Variants in KCNIP4 observed in about 807,000 individuals in gnomAD.
KCNIP4 encodes potassium voltage-gated channel interacting protein 4, also known as Kv channel-interacting protein 4.
In KCNIP4, 12 loss-of-function variants were observed where a neutral mutation model predicts 34.0. The observed-to-expected ratio is 0.35, with a 90% CI of 0.23 to 0.57. The LOEUF (loss-of-function observed/expected upper bound fraction) is 0.57, where lower values mean the gene tolerates loss of function less well. KCNIP4 is among the 20% of genes least tolerant of loss of function. KCNIP4 has a pLI of 0.83. For synonymous variants in KCNIP4, 124 were observed against 102.2 expected, an observed-to-expected ratio of 1.21 and a Z score of -1.29; for missense variants, 238 against 311.7, an observed-to-expected ratio of 0.76 and a Z score of 1.78.
chr4:21,229,434 T>C (rs967991665), intron 1 of KCNIP4, among the ~76,000 whole-genome samples: 2 of 152,234 alleles, frequency 1.3e-5, no homozygotes, highest in African/African-American at 4.8e-5. Flanking sequence ...ATTCATGCAT[T>C]ACTTACTCTC....
intron 1 of KCNIP4, among the ~76,000 whole-genome samples, chr4:21,922,991 A>G (rs945360754): frequency 1.3e-5 from 2 of 152,204 alleles, no homozygotes; most frequent in African/African-American, 4.8e-5. Flanking sequence ...ATGTGATTCA[A>G]TTACACACAA....
At chr4:21,488,019 C>G (rs962157537) in intron 1 of KCNIP4, among the ~76,000 whole-genome samples, 6 of 152,108 alleles carry the variant, frequency 3.9e-5, no homozygotes, top group South Asian at 2.1e-4. Flanking sequence ...AATCTGTGCA[C>G]TAGATATGTT....
chr4:21,470,803 G>A (rs1052420439), intron 1 of KCNIP4, among the ~76,000 whole-genome samples: 1 of 148,574 alleles, frequency 6.7e-6, no homozygotes, highest in Non-Finnish European at 1.5e-5. Flanking sequence ...CAATTCAAGG[G>A]CCAGCTGTTG....
chr4:21,947,053 C>T (rs1477108776), intron 1 of KCNIP4, among the ~76,000 whole-genome samples: 1 of 152,182 alleles, frequency 6.6e-6, no homozygotes, highest in Non-Finnish European at 1.5e-5. Flanking sequence ...CATCCAGATC[C>T]TGAGACGACA....
intron 1 of KCNIP4, among the ~76,000 whole-genome samples, chr4:21,773,496 G>A (rs1718944004): frequency 6.6e-6 from 1 of 152,110 alleles, no homozygotes; most frequent in Admixed American, 6.5e-5. Flanking sequence ...TCTTTGATCT[G>A]TCTAATGCTG....
chr4:21,768,462 G>T (rs570192262), intron 1 of KCNIP4, among the ~76,000 whole-genome samples: 6 of 152,138 alleles, frequency 3.9e-5, no homozygotes, highest in African/African-American at 1.4e-4. Flanking sequence ...TTACAATTCT[G>T]CATATCAAGG....
chr4:21,743,048 A>G (rs1291696010), intron 1 of KCNIP4, among the ~76,000 whole-genome samples: 1 of 152,212 alleles, frequency 6.6e-6, no homozygotes, highest in African/African-American at 2.4e-5. Context: ...GGATCTGTAG[A>G]GATATAATCA....
chr4:21,061,086 G>A (rs561774974), intron 1 of KCNIP4, among the ~76,000 whole-genome samples: 182 of 152,198 alleles, frequency 1.2e-3, no homozygotes, highest in Non-Finnish European at 2.0e-3. Flanking sequence ...AAGAATGGTA[G>A]CACTTGTGGC....
chr4:21,487,575 C>G (rs142703833), intron 1 of KCNIP4, among the ~76,000 whole-genome samples: 1 of 152,100 alleles, frequency 6.6e-6, no homozygotes, highest in Non-Finnish European at 1.5e-5. Flanking sequence ...GAATGGGGAG[C>G]AATGTTCCAT....
At chr4:21,786,582 T>TC (rs1719929611) in intron 1 of KCNIP4, among the ~76,000 whole-genome samples, 1 of 151,600 alleles carries the variant, frequency 6.6e-6, no homozygotes, top group Non-Finnish European at 1.5e-5. Flanking sequence ...CTTTTTTTTT[T>TC]TTTGAGATGG....
chr4:21,384,954 G>C (rs1457212598), intron 1 of KCNIP4, among the ~76,000 whole-genome samples: 1 of 152,146 alleles, frequency 6.6e-6, no homozygotes, highest in Non-Finnish European at 1.5e-5. Flanking sequence ...GTCATTAAGA[G>C]GGGCGCTTTG....
chr4:21,732,390 T>C (rs1211725675), intron 1 of KCNIP4, among the ~76,000 whole-genome samples: 2 of 152,164 alleles, frequency 1.3e-5, no homozygotes, highest in African/African-American at 2.4e-5. Flanking sequence ...AATTACTAAG[T>C]TCAATTCCCG....
chr4:21,705,847 A>C (rs546859707), intron 1 of KCNIP4, among the ~76,000 whole-genome samples: 2 of 152,236 alleles, frequency 1.3e-5, no homozygotes, highest in Admixed American at 1.3e-4. Context: ...AACCTTCTCA[A>C]AATCAGCCCT....
At position 21,075,787 on chromosome 4, in the gene KCNIP4, C is replaced by T. The variant is rs188196018; in HGVS notation, c.62-193078G>A. Among the ~76,000 whole-genome samples, 439 of 152,242 alleles carry T rather than the reference C, an allele frequency of 2.9e-3. 3 individuals carry two copies. The highest frequency in any genetic ancestry group is 3.3e-3 in the Non-Finnish European group (222 of 68,022). ...TTGCAGTGGCTGGTACAAGTTGTTC[C>T]TTTCCATGTTCAGTGCTTCCTTCAG... On this transcript the variant is annotated intron_variant, in intron 1 of 8. Transcript: ENST00000382152.
chr4:20,843,671 AGT>A (rs978430334), intron 3 of KCNIP4, among the ~76,000 whole-genome samples: 13 of 152,206 alleles, frequency 8.5e-5, no homozygotes, highest in Non-Finnish European at 1.6e-4. Flanking sequence ...TGGAGTTTTC[AGT>A]GAGTGGAGAT....
chr4:21,093,906 C>T (rs999454103), intron 1 of KCNIP4, among the ~76,000 whole-genome samples: 1 of 151,962 alleles, frequency 6.6e-6, no homozygotes, highest in African/African-American at 2.4e-5. Flanking sequence ...CACGGTTAAA[C>T]CCCATCTCTA....
intron 1 of KCNIP4, among the ~76,000 whole-genome samples, chr4:21,294,692 G>A (rs745789824): frequency 3.4e-4 from 52 of 152,076 alleles, no homozygotes; most frequent in South Asian, 1.2e-3. Context: ...CTACCAAATA[G>A]CATTGTGATT....
intron 1 of KCNIP4, among the ~76,000 whole-genome samples, chr4:21,833,969 G>C (rs1426203052): frequency 6.6e-6 from 1 of 151,632 alleles, no homozygotes; most frequent in Non-Finnish European, 1.5e-5. Flanking sequence ...TTTGGTACCA[G>C]TACCATGCTG....
intron 1 of KCNIP4, among the ~76,000 whole-genome samples, chr4:21,940,622 T>A (rs868795820): frequency 6.6e-6 from 1 of 152,136 alleles, no homozygotes; most frequent in South Asian, 2.1e-4. Context: ...TCTCATTTCA[T>A]CATTACAGGA....
Sources: gnomAD v4.1 joint callset for allele counts (sites outside exome capture counted in the v4.1 genomes callset) on GRCh38, gnomAD v4.1.1 for gene constraint, MANE v1.5 for transcripts, NCBI Gene and HGNC (gene_info 2026-07-23, HGNC 2026-07-21) for gene names.